The following RIC1 variants were observed in gnomAD, a reference collection of about 807,000 sequenced individuals.
The protein encoded by RIC1 is RIC1 partner of RAB6A GEF complex.
A neutral mutation model predicts 169.0 loss-of-function variants in RIC1; 88 were observed. That is an observed-to-expected ratio of 0.52 (90% CI 0.44 to 0.62). The LOEUF (loss-of-function observed/expected upper bound fraction) is 0.62, where lower values mean the gene tolerates loss of function less well. Ranked by LOEUF, RIC1 falls within the 20% of genes least tolerant of loss-of-function variation. RIC1 has a pLI of 0.00. For missense variants in RIC1, 1,877 were observed against 1,725.5 expected, an observed-to-expected ratio of 1.09 and a Z score of -1.56; for synonymous variants, 790 against 601.5, an observed-to-expected ratio of 1.31 and a Z score of -4.59.
chr9:5,698,585 A>G (rs1046570326), intron 3 of RIC1, among the ~76,000 whole-genome samples: 9 of 152,164 alleles, frequency 5.9e-5, no homozygotes, highest in Non-Finnish European at 1.0e-4. Flanking sequence ...TAGACTTGCT[A>G]TTGATACCTC....
At chr9:5,672,182 T>G (rs1820147809) in intron 2 of RIC1, among the ~76,000 whole-genome samples, 3 of 152,266 alleles carry the variant, frequency 2.0e-5, no homozygotes, top group Non-Finnish European at 2.9e-5. Flanking sequence ...ATCTGTAGGT[T>G]TGCATTGCCA....
intron 3 of RIC1, among the ~76,000 whole-genome samples, chr9:5,711,582 TA>T (rs1783600951): frequency 2.0e-5 from 3 of 150,998 alleles, no homozygotes; most frequent in East Asian, 1.9e-4. Flanking sequence ...TATATATATA[TA>T]TTTTTATTAT....
chr9:5,636,991 ATTT>A (rs909941057), intron 1 of RIC1, among the ~76,000 whole-genome samples: 2 of 151,540 alleles, frequency 1.3e-5, no homozygotes, highest in Admixed American at 6.6e-5. Flanking sequence ...TGGCACAGCA[ATTT>A]TTTTTTAAGT....
At chr9:5,777,025 A>C (rs1041717684), downstream of RIC1, among the ~76,000 whole-genome samples, 1 of 152,112 alleles carries the variant, frequency 6.6e-6, no homozygotes, top group African/African-American at 2.4e-5. Context: ...CTTGGCACCA[A>C]AGCATGTTGT....
At chr9:5,697,481 G>A (rs913174668) in intron 3 of RIC1, among the ~76,000 whole-genome samples, 36 of 152,238 alleles carry the variant, frequency 2.4e-4, no homozygotes, top group African/African-American at 8.2e-4. Context: ...GACCATCTGT[G>A]TGTCCATCAG....
At chr9:5,647,452 CT>C (rs1818573673) in intron 1 of RIC1, among the ~76,000 whole-genome samples, 1 of 152,156 alleles carries the variant, frequency 6.6e-6, no homozygotes, top group South Asian at 2.1e-4. Context: ...CAGAGGATAT[CT>C]TTTCATTTAT....
At chr9:5,762,990 T>C in intron 18 of RIC1, 150 bp from the exon 19 acceptor site, 1 of 975,634 alleles carries the variant, frequency 1.0e-6, no homozygotes, top group Non-Finnish European at 1.5e-6. Flanking sequence ...CAGGATACTT[T>C]TATTAACTCT....
chr9:5,708,335 T>C (rs1194015686), intron 3 of RIC1, among the ~76,000 whole-genome samples: 2 of 152,174 alleles, frequency 1.3e-5, no homozygotes, highest in African/African-American at 2.4e-5. Flanking sequence ...AAAATACTGC[T>C]GGCTTTTATA....
chr9:5,743,765 T>C lies in RIC1; in HGVS notation c.1095+28T>C, dbSNP rs563512340. The C allele has an allele frequency of 5.2e-6, 8 of 1,534,082 alleles. No homozygotes were observed. The South Asian group carries it at 8.3e-5, about 16-fold the overall frequency. On this transcript the variant is annotated intron_variant, in intron 10 of 25. Transcript: ENST00000414202. ...AAGTACTTTCTATAAAAAATTGGCA[T>C]GGTATTAAAAAAACTTGGATTTTTC...
intron 12 of RIC1, among the ~76,000 whole-genome samples, chr9:5,751,539 A>G (rs1317975253): frequency 6.6e-6 from 1 of 151,764 alleles, no homozygotes; most frequent in Admixed American, 6.5e-5. Context: ...TATTTTTAGT[A>G]GAGACGGGTT....
intron 10 of RIC1, among the ~76,000 whole-genome samples, chr9:5,744,639 C>G (rs1381424583): frequency 6.6e-6 from 1 of 152,026 alleles, no homozygotes; most frequent in East Asian, 1.9e-4. Flanking sequence ...GTACATAAAA[C>G]AAAATTTTGA....
intron 2 of RIC1, among the ~76,000 whole-genome samples, chr9:5,672,375 T>G (rs1197244287): frequency 6.6e-6 from 1 of 152,194 alleles, no homozygotes; most frequent in African/African-American, 2.4e-5. Context: ...AAAAAATTAC[T>G]AAGAACTTTC....
At chr9:5,692,024 C>T (rs997990620) in intron 3 of RIC1, among the ~76,000 whole-genome samples, 2 of 151,990 alleles carry the variant, frequency 1.3e-5, no homozygotes, top group Admixed American at 6.6e-5. Context: ...CCTGACAATG[C>T]GTGAACTTTG....
intron 2 of RIC1, 130 bp from the exon 3 acceptor site, chr9:5,689,829 G>T: frequency 1.7e-6 from 1 of 590,800 alleles, no homozygotes; most frequent in Non-Finnish European, 2.9e-6. Context: ...GCATAATTAG[G>T]CTATAATTCT....
chr9:5,723,766 T>C (rs1038359025), intron 6 of RIC1, among the ~76,000 whole-genome samples: 6 of 152,224 alleles, frequency 3.9e-5, no homozygotes, highest in Admixed American at 3.3e-4. Context: ...CAGTTTCAGC[T>C]TTCTACATAT....
At chr9:5,726,143 T>G (rs866363394) in intron 6 of RIC1, among the ~76,000 whole-genome samples, 57 of 152,208 alleles carry the variant, frequency 3.7e-4, no homozygotes, top group Admixed American at 1.8e-3. Context: ...GTCTAATGTT[T>G]ACGGTGGGGT....
chr9:5,772,790 T>A (rs377503403), intron 24 of RIC1, 49 bp downstream of exon 24: 229 of 1,569,536 alleles, frequency 1.5e-4, no homozygotes, highest in Non-Finnish European at 1.9e-4. Context: ...TCAGAGTATT[T>A]GGGCAAATAG....
At chr9:5,639,881 A>G (rs1818156134) in intron 1 of RIC1, among the ~76,000 whole-genome samples, 1 of 152,184 alleles carries the variant, frequency 6.6e-6, no homozygotes, top group Non-Finnish European at 1.5e-5. Context: ...GTCAGTATTT[A>G]TATAATTACT....
At chr9:5,655,251 T>C (rs1241893681) in intron 1 of RIC1, among the ~76,000 whole-genome samples, 1 of 152,182 alleles carries the variant, frequency 6.6e-6, no homozygotes, top group Non-Finnish European at 1.5e-5. Flanking sequence ...AGAGGTTTTT[T>C]TAAAATCATG....
Sources: gnomAD v4.1 joint callset for allele counts (sites outside exome capture counted in the v4.1 genomes callset) on GRCh38, gnomAD v4.1.1 for gene constraint, MANE v1.5 for transcripts, NCBI Gene and HGNC (gene_info 2026-07-23, HGNC 2026-07-21) for gene names.